REV1: variants seen among roughly 807,000 people sequenced by gnomAD.
The protein encoded by REV1 is translesion synthesis protein REV1.
In REV1, 42 loss-of-function variants were observed where a neutral mutation model predicts 137.4. That is an observed-to-expected ratio of 0.31 (90% CI 0.24 to 0.40). REV1 has a LOEUF of 0.40. Ranked by LOEUF, REV1 falls within the 10% of genes least tolerant of loss-of-function variation. The pLI, the probability that REV1 is intolerant of heterozygous loss-of-function variation, is 1.00. For missense variants in REV1, 1,282 were observed against 1,490.1 expected (o/e 0.86, Z 2.30); for synonymous variants, 524 against 519.2 (o/e 1.01, Z -0.12).
At chr2:99,454,028 C>A (rs13429806) in intron 3 of REV1, among the ~76,000 whole-genome samples, 24,360 of 151,424 alleles carry the variant, frequency 0.16, 2,459 homozygotes, top group African/African-American at 0.27. Context: ...TGTTCTTTGC[C>A]TTTTTATTTT....
chr2:99,458,843 T>G (rs1683823807), intron 3 of REV1, among the ~76,000 whole-genome samples: 1 of 152,148 alleles, frequency 6.6e-6, no homozygotes, highest in Non-Finnish European at 1.5e-5. Flanking sequence ...ACCAGATTAG[T>G]GGTTGCCAGG....
chr2:99,405,047 C>G (rs909170983), intron 17 of REV1, among the ~76,000 whole-genome samples: 6 of 152,210 alleles, frequency 3.9e-5, no homozygotes. Context: ...GCCTGAGGCA[C>G]ATGTTAAAAT....
At chr2:99,435,969 C>T (rs1434310764) in intron 6 of REV1, 28 bp from the exon 7 acceptor site, 6 of 1,273,390 alleles carry the variant, frequency 4.7e-6, no homozygotes, top group African/African-American at 1.5e-5. Flanking sequence ...GCATTCAAAC[C>T]CCAAGCTAAT....
At chr2:99,452,865 C>T (rs1374678274) in intron 3 of REV1, among the ~76,000 whole-genome samples, 1 of 152,200 alleles carries the variant, frequency 6.6e-6, no homozygotes, top group African/African-American at 2.4e-5. Context: ...ATTAAGAGGA[C>T]AGACTCCAAA....
intron 1 of REV1, among the ~76,000 whole-genome samples, chr2:99,480,693 T>G (rs1686520926): frequency 6.6e-6 from 1 of 152,188 alleles, no homozygotes; most frequent in South Asian, 2.1e-4. Context: ...ATAGTCAAAC[T>G]CTTTTTTTCT....
chr2:99,444,664 T>C lies in REV1; in HGVS notation c.351-2195A>G, dbSNP rs550154573. On this transcript the variant is annotated intron_variant, in intron 4 of 22. Transcript: ENST00000258428. ...GCCCAATGCACTACAGTAATGTTAG[T>C]GAAGTAATGTCAGTTATAATTTGAA... Among the ~76,000 whole-genome samples, 3 of 152,340 alleles carry C rather than the reference T, an allele frequency of 2.0e-5. No homozygotes were observed. The East Asian group carries it at 5.8e-4, about 29-fold the overall frequency.
intron 14 of REV1, among the ~76,000 whole-genome samples, chr2:99,408,809 T>C (rs906722997): frequency 2.0e-5 from 3 of 152,262 alleles, no homozygotes; most frequent in Non-Finnish European, 4.4e-5. Flanking sequence ...AACAAATTAC[T>C]ACCAGTTCTC....
chr2:99,465,474 A>G (rs954193487), intron 1 of REV1, among the ~76,000 whole-genome samples: 15 of 152,236 alleles, frequency 9.9e-5, no homozygotes, highest in African/African-American at 3.4e-4. Flanking sequence ...GAAGAAGTCA[A>G]TTAAAAATGA....
chr2:99,412,204 C>G (rs1368899814), intron 13 of REV1, among the ~76,000 whole-genome samples: 3 of 145,762 alleles, frequency 2.1e-5, no homozygotes, highest in Non-Finnish European at 4.5e-5. Flanking sequence ...CTGCACTCCA[C>G]CCTGGGCAAC....
At chr2:99,470,120 CAA>C (rs1199259429) in intron 1 of REV1, among the ~76,000 whole-genome samples, 15 of 108,104 alleles carry the variant, frequency 1.4e-4, no homozygotes, top group African/African-American at 1.0e-4. Flanking sequence ...GACTCCATCT[CAA>C]AAAAAAAAAA....
At chr2:99,415,492 T>TA (rs1371036701) in intron 12 of REV1, among the ~76,000 whole-genome samples, 1 of 152,186 alleles carries the variant, frequency 6.6e-6, no homozygotes, top group African/African-American at 2.4e-5. Context: ...CTTCAAAGAA[T>TA]AAAGTTTTCA....
intron 9 of REV1, among the ~76,000 whole-genome samples, chr2:99,428,248 T>C (rs1679640675): frequency 6.6e-6 from 1 of 152,208 alleles, no homozygotes; most frequent in African/African-American, 2.4e-5. Flanking sequence ...CATAACTGTC[T>C]AGCCATCTGA....
chr2:99,429,747 A>AAATCACTGGCCTGACTGGCAGGTCTG (rs11275762), intron 9 of REV1, 93 bp downstream of exon 9: 73,637 of 769,364 alleles, frequency 0.096, 10,032 homozygotes, highest in African/African-American at 0.55. Flanking sequence ...TGTAACATTT[A>AAATCACTGGCCTGACTGGCAGGTCTG]AATCCACTTC....
intron 3 of REV1, among the ~76,000 whole-genome samples, chr2:99,457,199 C>T (rs1173712800): frequency 1.3e-5 from 2 of 152,160 alleles, no homozygotes; most frequent in African/African-American, 4.8e-5. Flanking sequence ...AACATAGTTC[C>T]TAACCCACAA....
chr2:99,407,761 G>A (rs779570892), intron 15 of REV1, among the ~76,000 whole-genome samples: 14 of 152,144 alleles, frequency 9.2e-5, no homozygotes, highest in Non-Finnish European at 1.6e-4. Flanking sequence ...TAGGAAACAA[G>A]AACAGGGAAG....
chr2:99,403,032 C>A lies in REV1; in HGVS notation c.3241G>T (p.Gly1081Cys). 6.2e-7 allele frequency: 1 copy of A among 1,614,004 alleles called. No homozygotes were observed. Among genetic ancestry groups the A allele is most frequent in the Non-Finnish European group, 8.5e-7 (1 of 1,179,962 alleles). Reference protein sequence around the residue: ...KKRNKKKKTIGSPKRIQSPLN... With the variant: ...KKRNKKKKTICSPKRIQSPLN... Reference sequence around the variant, plus strand: ...GGACTCTGAATCCTTTTTGGTGAACCAATGGTTTTTTTCTTCTTGTTTCTT... The same window carrying A: ...GGACTCTGAATCCTTTTTGGTGAACAAATGGTTTTTTTCTTCTTGTTTCTT... Residue 1081 changes from glycine to cysteine, a missense_variant, in exon 20 of 23, where the codon GGT becomes TGT. Transcript: ENST00000258428.
Position 99,401,027 on chromosome 2 carries a change from A to AAAT in REV1, c.*211_*213dup, listed in dbSNP as rs1440401475. The AAAT allele has an allele frequency of 2.9e-6, 1 of 347,530 alleles. No homozygotes were observed. Among genetic ancestry groups the AAAT allele is most frequent in the African/African-American group, 2.1e-5 (1 of 48,428 alleles). 21.5% of individuals were successfully genotyped at this position (347,530 alleles called of 1,614,324 possible). A position where few individuals can be genotyped will look rare whatever the true frequency, so the allele number is the denominator to read the frequency against. ...AAAACTTTATAAACAAACATTTTGT[A>AAAT]AATAGAATCTATGCTACAGTAAAAT... On this transcript the variant is annotated 3_prime_UTR_variant, in exon 23 of 23. Coordinates refer to ENST00000258428, the MANE Select transcript of REV1 (RefSeq NM_016316.4).
intron 1 of REV1, among the ~76,000 whole-genome samples, chr2:99,466,744 G>A (rs1029487080): frequency 3.9e-5 from 6 of 152,304 alleles, no homozygotes; most frequent in African/African-American, 7.2e-5. Flanking sequence ...AAGGTGCTCC[G>A]AGAAAAGGTG....
chr2:99,428,991 CAAAAAAAAAA>C (rs762850171), intron 9 of REV1, among the ~76,000 whole-genome samples: 61 of 63,830 alleles, frequency 9.6e-4, no homozygotes, highest in Non-Finnish European at 2.8e-4. Flanking sequence ...GACTCCGTCT[CAAAAAAAAAA>C]AAAAAAAAAA....
Sources: allele counts gnomAD v4.1 joint callset (sites outside exome capture counted in the v4.1 genomes callset), GRCh38; gene constraint gnomAD v4.1.1; transcripts MANE v1.5; gene names NCBI Gene and HGNC (gene_info 2026-07-23, HGNC 2026-07-21).